Variants in NFIB observed in about 807,000 individuals in gnomAD.
The protein encoded by NFIB is nuclear factor 1 B-type.
A neutral mutation model predicts 61.5 loss-of-function variants in NFIB; 11 were observed. The ratio of observed to expected loss-of-function variants is 0.18; its 90% CI spans 0.11 to 0.30. NFIB has a LOEUF of 0.30. NFIB is among the 10% of genes least tolerant of loss of function. The probability of loss-of-function intolerance (pLI) is 1.00; values close to 1 mark genes in which losing one functional copy is unlikely to be tolerated. For missense variants in NFIB, 471 were observed against 608.9 expected, an observed-to-expected ratio of 0.77 and a Z score of 2.38; for synonymous variants, 260 against 216.5, an observed-to-expected ratio of 1.20 and a Z score of -1.76.
At position 14,085,027 on chromosome 9, in the gene NFIB, A is replaced by G. The variant is rs187959992; in HGVS notation, c.*3282T>C. ...TGTGTCCTGTGAGGTTCATTTGTTC[A>G]CCTAATAGGTCAAAGATACATGAAG... is the stretch of plus-strand genomic sequence containing the variant. On this transcript the variant is annotated 3_prime_UTR_variant, in exon 11 of 11. Transcript: ENST00000380953. The G allele has an allele frequency of 4.4e-6, 1 of 228,406 alleles. No individual in the cohort carries two copies. The allele number at this position is 228,406 out of a possible 1,614,324, so 14.1% of individuals were successfully genotyped here.
intron 3 of NFIB, among the ~76,000 whole-genome samples, chr9:14,172,004 A>G (rs571474561): frequency 6.6e-6 from 1 of 152,222 alleles, no homozygotes; most frequent in Non-Finnish European, 1.5e-5. Flanking sequence ...TTACCAGGAG[A>G]GGTCCTGTTT....
the NFIB span, among the ~76,000 whole-genome samples, chr9:14,422,702 C>G: frequency 6.6e-6 from 1 of 152,214 alleles, no homozygotes; most frequent in East Asian, 1.9e-4. Context: ...GGACTAATCT[C>G]TTTGGCTAGA....
intron 2 of NFIB, among the ~76,000 whole-genome samples, chr9:14,262,718 G>C (rs1405614420): frequency 6.6e-6 from 1 of 152,192 alleles, no homozygotes; most frequent in Non-Finnish European, 1.5e-5. Context: ...ACCGACAGCG[G>C]AGAAAGAAAA....
intron 2 of NFIB, among the ~76,000 whole-genome samples, chr9:14,220,142 G>A (rs2051464897): frequency 6.6e-6 from 1 of 152,172 alleles, no homozygotes; most frequent in African/African-American, 2.4e-5. Context: ...TCCAAGTGGA[G>A]AGAAAGCAAA....
At chr9:14,122,512 C>T (rs2039073557) in intron 7 of NFIB, among the ~76,000 whole-genome samples, 1 of 152,152 alleles carries the variant, frequency 6.6e-6, no homozygotes, top group Non-Finnish European at 1.5e-5. Flanking sequence ...TTTCAGAGAA[C>T]AAATGCGTAT....
the NFIB span, among the ~76,000 whole-genome samples, chr9:14,464,066 T>A: frequency 6.6e-6 from 1 of 152,138 alleles, no homozygotes; most frequent in Admixed American, 6.6e-5. Context: ...GAAAAACCAC[T>A]TTCTCTCCAG....
intron 5 of NFIB, among the ~76,000 whole-genome samples, chr9:14,148,368 C>A (rs2042508291): frequency 6.6e-6 from 1 of 151,974 alleles, no homozygotes; most frequent in Admixed American, 6.6e-5. Context: ...CCTGCCTGGG[C>A]CTCCCAAAGT....
chr9:14,375,519 G>A (rs541622168), intron 1 of NFIB, among the ~76,000 whole-genome samples: 11 of 152,242 alleles, frequency 7.2e-5, no homozygotes, highest in South Asian at 4.2e-4. Context: ...TTATCTGGGC[G>A]TGGAGGTGGG....
intron 2 of NFIB, among the ~76,000 whole-genome samples, chr9:14,299,272 G>A (rs547647933): frequency 3.3e-5 from 5 of 152,102 alleles, no homozygotes; most frequent in African/African-American, 1.2e-4. Flanking sequence ...AAATGAGTAT[G>A]AAAAATCAGG....
At chr9:14,263,024 C>T (rs1383010131) in intron 2 of NFIB, among the ~76,000 whole-genome samples, 1 of 152,172 alleles carries the variant, frequency 6.6e-6, no homozygotes, top group Non-Finnish European at 1.5e-5. Flanking sequence ...GGGGTGCAGA[C>T]ATGATTTCTT....
Position 14,150,189 on chromosome 9 carries a change from G to A in NFIB, c.762C>T (p.Asn254=), listed in dbSNP as rs1171694835. 1 of 1,613,510 alleles carries A rather than the reference G, an allele frequency of 6.2e-7. No individual in the cohort carries two copies. Among genetic ancestry groups the A allele is most frequent in the Non-Finnish European group, 8.5e-7 (1 of 1,179,602 alleles). ...IPSQPYYHDM[N]SGVNLQRSLS... ...GAGACCTCTGAAGATTGACCCCCGAGTTCATGTCATGATAGTATGGTTGGC... is the reference window on the plus strand; with the variant it reads ...GAGACCTCTGAAGATTGACCCCCGAATTCATGTCATGATAGTATGGTTGGC... Residue 254 remains asparagine, a synonymous_variant, in exon 5 of 11, where the codon AAC becomes AAT. Coordinates refer to ENST00000380953, the MANE Select transcript of NFIB (RefSeq NM_001190737.2).
upstream of NFIB, among the ~76,000 whole-genome samples, chr9:14,400,439 G>C (rs1215559602): frequency 6.6e-6 from 1 of 151,710 alleles, no homozygotes; most frequent in Non-Finnish European, 1.5e-5. Flanking sequence ...ATTTTGTTTT[G>C]TTTTGTTTTT....
At chr9:14,282,098 G>C (rs574325353) in intron 2 of NFIB, among the ~76,000 whole-genome samples, 2 of 152,292 alleles carry the variant, frequency 1.3e-5, no homozygotes, top group African/African-American at 4.8e-5. Flanking sequence ...ATTTGATTCA[G>C]TACAAAAACT....
At chr9:14,171,767 A>T (rs1340593740) in intron 3 of NFIB, among the ~76,000 whole-genome samples, 2 of 152,222 alleles carry the variant, frequency 1.3e-5, no homozygotes, top group Non-Finnish European at 2.9e-5. Flanking sequence ...GTTAAATTGG[A>T]GTTAACCATG....
intron 10 of NFIB, among the ~76,000 whole-genome samples, chr9:14,091,169 TG>T (rs1444250814): frequency 6.6e-6 from 1 of 151,886 alleles, no homozygotes; most frequent in African/African-American, 2.4e-5. Flanking sequence ...ACCCCATATA[TG>T]AGTTTTACAA....
At chr9:14,112,778 T>C (rs1025136540) in intron 10 of NFIB, among the ~76,000 whole-genome samples, 2 of 152,114 alleles carry the variant, frequency 1.3e-5, no homozygotes, top group Non-Finnish European at 2.9e-5. Flanking sequence ...TATCAATATA[T>C]GCTACAGAGA....
At chr9:14,497,379 A>G in the NFIB span, among the ~76,000 whole-genome samples, 1 of 152,218 alleles carries the variant, frequency 6.6e-6, no homozygotes, top group Non-Finnish European at 1.5e-5. Context: ...TGTCCAAGGC[A>G]GTCTTCGTGG....
At chr9:14,210,654 A>G (rs12340584) in intron 2 of NFIB, among the ~76,000 whole-genome samples, 26,093 of 151,954 alleles carry the variant, frequency 0.17, 2,571 homozygotes, top group South Asian at 0.36. Context: ...ATTGGTTACA[A>G]TGATCTGTCA....
chr9:14,486,376 C>T, the NFIB span, among the ~76,000 whole-genome samples: 6 of 152,144 alleles, frequency 3.9e-5, no homozygotes, highest in East Asian at 1.2e-3. Flanking sequence ...AGGAGAAAGC[C>T]CAGGAGGATT....
Sources: gnomAD v4.1 joint callset for allele counts (sites outside exome capture counted in the v4.1 genomes callset) on GRCh38, gnomAD v4.1.1 for gene constraint, MANE v1.5 for transcripts, NCBI Gene and HGNC (gene_info 2026-07-23, HGNC 2026-07-21) for gene names.